PDE1C: variants seen among roughly 807,000 people sequenced by gnomAD.
PDE1C encodes the protein phosphodiesterase 1C.
In PDE1C, 62 loss-of-function variants were observed where a neutral mutation model predicts 93.1. That is an observed-to-expected ratio of 0.67 (90% CI 0.54 to 0.82). The LOEUF is 0.82. PDE1C is among the 40% of genes least tolerant of loss of function. The probability of loss-of-function intolerance (pLI) is 0.00; values close to 1 mark genes in which losing one functional copy is unlikely to be tolerated. For missense variants in PDE1C, 742 were observed against 884.6 expected (o/e 0.84, Z 2.04); for synonymous variants, 325 against 310.1 (o/e 1.05, Z -0.50).
the PDE1C span, among the ~76,000 whole-genome samples, chr7:31,644,735 AG>A: frequency 6.6e-6 from 1 of 152,206 alleles, no homozygotes; most frequent in Non-Finnish European, 1.5e-5. Flanking sequence ...GAAATGATCT[AG>A]GCTTTCAGGG....
At chr7:31,732,631 T>TCCC in the PDE1C span, among the ~76,000 whole-genome samples, 1 of 110,380 alleles carries the variant, frequency 9.1e-6, no homozygotes. Flanking sequence ...CTCTCTCTCC[T>TCCC]CTCTTTCTGT....
intron 3 of PDE1C, 121 bp from the exon 4 acceptor site, chr7:31,879,299 T>C (rs1166677706): frequency 4.0e-6 from 4 of 994,712 alleles, no homozygotes; most frequent in Non-Finnish European, 5.8e-6. Flanking sequence ...CAAATTAAAT[T>C]GGCCACAAAA....
intron 2 of PDE1C, among the ~76,000 whole-genome samples, chr7:31,908,833 G>T (rs1385571318): frequency 6.6e-6 from 1 of 152,150 alleles, no homozygotes; most frequent in Non-Finnish European, 1.5e-5. Context: ...AGGTATTGAC[G>T]TGAAGGTATT....
chr7:31,849,600 T>G (rs564218701), intron 8 of PDE1C, among the ~76,000 whole-genome samples: 17 of 152,300 alleles, frequency 1.1e-4, no homozygotes, highest in Middle Eastern at 3.4e-3. Flanking sequence ...ATTAAATACA[T>G]GTAGATTGAT....
the PDE1C span, among the ~76,000 whole-genome samples, chr7:31,684,674 A>G: frequency 1.3e-5 from 2 of 152,250 alleles, no homozygotes; most frequent in African/African-American, 2.4e-5. Flanking sequence ...AATGTTTAGC[A>G]TAATTAGTCA....
At chr7:31,990,171 T>A (rs1398129274) in intron 2 of PDE1C, among the ~76,000 whole-genome samples, 2 of 152,196 alleles carry the variant, frequency 1.3e-5, no homozygotes, top group Non-Finnish European at 2.9e-5. Flanking sequence ...CCCATCCAAA[T>A]CTCACTTTGA....
intron 17 of PDE1C, among the ~76,000 whole-genome samples, chr7:31,768,891 G>C (rs767277225): frequency 2.0e-5 from 3 of 152,008 alleles, no homozygotes; most frequent in Non-Finnish European, 4.4e-5. Context: ...CGCCTCCCAG[G>C]TTCAAGCAAT....
intron 3 of PDE1C, among the ~76,000 whole-genome samples, chr7:32,112,846 G>GTGTA (rs1449055562): frequency 1.9e-3 from 111 of 59,112 alleles, no homozygotes; most frequent in South Asian, 5.8e-3. Flanking sequence ...GTGTGTGTGT[G>GTGTA]TATATATATA....
Position 32,290,826 on chromosome 7 carries a change from C to T in PDE1C, c.85+7825G>A, listed in dbSNP as rs141272578. Reference sequence around the variant, plus strand: ...GTATCAAGAGATCATTACCCAAAGACACAAAAGTGAAGCACATGAAAAATG... The same window carrying T: ...GTATCAAGAGATCATTACCCAAAGATACAAAAGTGAAGCACATGAAAAATG... On this transcript the variant is annotated intron_variant, in intron 1 of 18. Coordinates refer to the PDE1C transcript ENST00000396193. Among the ~76,000 whole-genome samples the T allele has an allele frequency of 3.5e-3, 534 of 152,222 alleles. 4 individuals carry two copies. The highest frequency in any genetic ancestry group is 0.012 in the African/African-American group (496 of 41,542).
At chr7:31,718,875 T>C in the PDE1C span, among the ~76,000 whole-genome samples, 26 of 152,248 alleles carry the variant, frequency 1.7e-4, no homozygotes, top group East Asian at 4.8e-3. Flanking sequence ...CGGGGGGAAG[T>C]GTCTGAAACA....
chr7:32,425,928 G>T (rs1432233311), intron 1 of PDE1C, among the ~76,000 whole-genome samples: 1 of 152,008 alleles, frequency 6.6e-6, no homozygotes, highest in Admixed American at 6.6e-5. Context: ...GGATGACAGA[G>T]CAAGACCCTG....
At chr7:31,646,057 G>A in the PDE1C span, among the ~76,000 whole-genome samples, 1 of 152,114 alleles carries the variant, frequency 6.6e-6, no homozygotes, top group African/African-American at 2.4e-5. Context: ...CTGGTTGTTG[G>A]TCTAACATAG....
At chr7:31,957,212 A>C (rs948753149) in intron 2 of PDE1C, among the ~76,000 whole-genome samples, 1 of 150,886 alleles carries the variant, frequency 6.6e-6, no homozygotes, top group African/African-American at 2.4e-5. Context: ...AAATGTAAAG[A>C]AGGTTTATGC....
chr7:32,333,882 T>C (rs375041594), intron 1 of PDE1C, among the ~76,000 whole-genome samples: 24 of 152,304 alleles, frequency 1.6e-4, no homozygotes, highest in Middle Eastern at 3.4e-3. Flanking sequence ...TTAACGAGGA[T>C]TAAGGGTTAG....
intron 1 of PDE1C, among the ~76,000 whole-genome samples, chr7:32,390,350 G>A (rs1036307867): frequency 6.6e-6 from 1 of 152,038 alleles, no homozygotes. Flanking sequence ...TCTTCCAAGA[G>A]GACATTTTAC....
At chr7:32,172,162 C>A (rs1802694275) in intron 2 of PDE1C, among the ~76,000 whole-genome samples, 1 of 151,318 alleles carries the variant, frequency 6.6e-6, no homozygotes, top group South Asian at 2.1e-4. Flanking sequence ...TACCATTAAC[C>A]AATTGCCGTT....
intron 2 of PDE1C, among the ~76,000 whole-genome samples, chr7:32,192,995 A>C (rs1322445504): frequency 6.6e-6 from 1 of 152,130 alleles, no homozygotes; most frequent in Non-Finnish European, 1.5e-5. Flanking sequence ...TTGTATGTTT[A>C]TCTTATATAC....
At chr7:32,181,777 G>A (rs1803449198) in intron 2 of PDE1C, among the ~76,000 whole-genome samples, 1 of 152,154 alleles carries the variant, frequency 6.6e-6, no homozygotes, top group Non-Finnish European at 1.5e-5. Flanking sequence ...AAAGCTAGCA[G>A]AAGGCAAGAA....
intron 2 of PDE1C, among the ~76,000 whole-genome samples, chr7:31,943,134 C>T (rs1563073983): frequency 3.3e-5 from 5 of 152,134 alleles, no homozygotes. Context: ...CCAAAAAGAC[C>T]TTGTCCTTTG....
Sources: gnomAD v4.1 joint callset for allele counts (sites outside exome capture counted in the v4.1 genomes callset) on GRCh38, gnomAD v4.1.1 for gene constraint, MANE v1.5 for transcripts, NCBI Gene and HGNC (gene_info 2026-07-23, HGNC 2026-07-21) for gene names.